DNAH14: variants seen among roughly 807,000 people sequenced by gnomAD.
DNAH14 encodes dynein axonemal heavy chain 14.
In DNAH14, 478 loss-of-function variants were observed where a neutral mutation model predicts 520.9. The observed-to-expected ratio is 0.92, with a 90% CI of 0.85 to 0.99. The LOEUF (loss-of-function observed/expected upper bound fraction) is 0.99. Among genes scored for constraint, DNAH14 ranks in the 50% least tolerant of loss-of-function variants. The pLI is 0.00. For missense variants in DNAH14, 4,831 were observed against 5,234.5 expected (o/e 0.92, Z 2.38); for synonymous variants, 1,581 against 1,757.2 (o/e 0.90, Z 2.51).
At chr1:225,025,094 T>C (rs1193923867) in intron 11 of DNAH14, among the ~76,000 whole-genome samples, 1 of 152,066 alleles carries the variant, frequency 6.6e-6, no homozygotes, top group African/African-American at 2.4e-5. Context: ...TCACAACACT[T>C]TGGGAGACCA....
At chr1:225,359,046 A>G (rs1322069094) in intron 74 of DNAH14, among the ~76,000 whole-genome samples, 1 of 152,236 alleles carries the variant, frequency 6.6e-6, no homozygotes, top group Non-Finnish European at 1.5e-5. Context: ...TAGCAGTGTG[A>G]GAACAGACTA....
At position 225,085,619 on chromosome 1, in the gene DNAH14, T is replaced by G; in HGVS notation, c.3403T>G (p.Phe1135Val). The G allele has an allele frequency of 6.4e-7, 1 of 1,551,206 alleles. No homozygotes were observed. The highest frequency in any genetic ancestry group is 1.2e-5 in the South Asian group (1 of 84,040). Reference protein sequence around the residue: ...TNEAALEKMLFKIIDFWNTTP... With the variant: ...TNEAALEKMLVKIIDFWNTTP... ...TGAAGCTGCTCTTGAAAAAATGCTA[T>G]TTAAGATTATTGATTTTTGGAACAC... is the stretch of plus-strand genomic sequence containing the variant. The change falls in exon 21 of 86, where the codon TTT (phenylalanine) becomes GTT (valine). Residue 1135 changes from phenylalanine to valine, a missense_variant. Phe to Val is a conservative substitution (Grantham distance 50, BLOSUM62 -1). Coordinates refer to ENST00000682510, the MANE Select transcript of DNAH14 (RefSeq NM_001367479.1).
Position 224,985,517 on chromosome 1 carries a change from A to G in DNAH14, c.830+11364A>G, listed in dbSNP as rs114585521. Among the ~76,000 whole-genome samples the G allele has an allele frequency of 2.5e-3, 385 of 152,270 alleles. 2 individuals are homozygous for G. Among genetic ancestry groups the G allele is most frequent in the Non-Finnish European group, 3.6e-3 (247 of 68,022 alleles). On this transcript the variant is annotated intron_variant, in intron 8 of 85. Coordinates refer to ENST00000682510, the MANE Select transcript of DNAH14 (RefSeq NM_001367479.1). ...AAAGACAACAAATATGGTGCAGTGT[A>G]TACTGCTCAGGCAATGGGTGCACCA...
At chr1:225,374,154 T>G (rs1272522538) in intron 77 of DNAH14, among the ~76,000 whole-genome samples, 3 of 64,616 alleles carry the variant, frequency 4.6e-5, no homozygotes, top group Non-Finnish European at 9.8e-5. Flanking sequence ...ACTATATATA[T>G]ATATATATAT....
chr1:225,302,120 T>C (rs2094150326), intron 56 of DNAH14, among the ~76,000 whole-genome samples: 1 of 148,312 alleles, frequency 6.7e-6, no homozygotes, highest in Non-Finnish European at 1.5e-5. Context: ...ATATATAATA[T>C]ATATTATATA....
chr1:225,303,202 G>A lies in DNAH14; in HGVS notation c.8678G>A (p.Gly2893Glu). ...LHIFVIMSPEGPSFRQNCRVY... is the reference protein window; with the variant it reads ...LHIFVIMSPEEPSFRQNCRVY... ...ATTTTTGTGATCATGAGTCCTGAAGGACCTAGCTTCCGCCAAAATTGTAGA... is the reference window on the plus strand; with the variant it reads ...ATTTTTGTGATCATGAGTCCTGAAGAACCTAGCTTCCGCCAAAATTGTAGA... Residue 2893 changes from glycine to glutamate, a missense_variant, in exon 57 of 86, where the codon GGA becomes GAA. Gly to Glu is a moderately conservative substitution (Grantham distance 98). Transcript: ENST00000682510. 1 of 1,537,180 alleles carries A rather than the reference G, an allele frequency of 6.5e-7. No homozygotes were observed. The highest frequency in any genetic ancestry group is 8.8e-7 in the Non-Finnish European group (1 of 1,141,432).
chr1:225,354,842 A>G (rs902852647), intron 73 of DNAH14, among the ~76,000 whole-genome samples: 1 of 152,172 alleles, frequency 6.6e-6, no homozygotes, highest in African/African-American at 2.4e-5. Context: ...AACCTGGACA[A>G]CCAGTAATCC....
At chr1:225,103,749 A>G (rs1314671780) in intron 23 of DNAH14, among the ~76,000 whole-genome samples, 2 of 152,204 alleles carry the variant, frequency 1.3e-5, no homozygotes, top group East Asian at 3.8e-4. Context: ...TTGTATCCTG[A>G]GACTTTAATG....
chr1:225,002,994 T>C, intron 9 of DNAH14, 67 bp downstream of exon 9: 1 of 1,291,874 alleles, frequency 7.7e-7, no homozygotes, highest in African/African-American at 1.5e-5. Context: ...AATAGCATTT[T>C]GAATTAAAAA....
At chr1:225,063,096 C>G (rs954638992) in intron 17 of DNAH14, among the ~76,000 whole-genome samples, 6 of 150,142 alleles carry the variant, frequency 4.0e-5, no homozygotes, top group Admixed American at 3.4e-4. Context: ...TAAATGAAAA[C>G]ATGAACATAA....
chr1:225,221,758 C>T lies in DNAH14; in HGVS notation c.6440-9315C>T, dbSNP rs542593562. ...TTGCAAAGCTTCAGGGAAGAATGAA[C>T]TGAAGGCAGCTGTTCTTACCCAGGG... is the stretch of plus-strand genomic sequence containing the variant. On this transcript the variant is annotated intron_variant, in intron 41 of 85. Transcript: ENST00000682510. Among the ~76,000 whole-genome samples, 5 of 152,266 alleles carry T rather than the reference C, an allele frequency of 3.3e-5. No homozygotes were observed. The South Asian group carries it at 8.3e-4, about 25-fold the overall frequency.
chr1:225,342,775 A>C (rs945180332), intron 69 of DNAH14, among the ~76,000 whole-genome samples: 1 of 151,914 alleles, frequency 6.6e-6, no homozygotes, highest in Non-Finnish European at 1.5e-5. Flanking sequence ...GTATAGAGAG[A>C]GATACTTTGG....
chr1:225,280,580 C>A (rs2093605242), intron 54 of DNAH14, among the ~76,000 whole-genome samples: 3 of 148,778 alleles, frequency 2.0e-5, no homozygotes, highest in African/African-American at 7.5e-5. Context: ...GCCTGGGTGA[C>A]AAAGTGAGAG....
chr1:225,017,702 C>G (rs2065326395), intron 10 of DNAH14, among the ~76,000 whole-genome samples: 1 of 152,246 alleles, frequency 6.6e-6, no homozygotes, highest in Non-Finnish European at 1.5e-5. Context: ...GCACCTTGGC[C>G]TCTCCAGCCC....
chr1:225,085,466 G>T, intron 20 of DNAH14, 78 bp from the exon 21 acceptor site: 1 of 1,290,732 alleles, frequency 7.7e-7, no homozygotes, highest in Non-Finnish European at 1.1e-6. Context: ...TTCAAAACTT[G>T]CATTTAAAAT....
At chr1:225,148,396 CTTTTTT>C (rs560233312) in intron 31 of DNAH14, among the ~76,000 whole-genome samples, 18 of 96,618 alleles carry the variant, frequency 1.9e-4, no homozygotes, top group African/African-American at 8.4e-4. Context: ...TAATGTTGAG[CTTTTTT>C]TTTTTTTTTT....
At chr1:224,957,252 G>T (rs1311359471) in intron 3 of DNAH14, among the ~76,000 whole-genome samples, 1 of 151,988 alleles carries the variant, frequency 6.6e-6, no homozygotes, top group African/African-American at 2.4e-5. Context: ...ATGAATAGTG[G>T]TCCCATTCAC....
chr1:224,966,536 C>T (rs1380130519), intron 5 of DNAH14, among the ~76,000 whole-genome samples: 1 of 151,908 alleles, frequency 6.6e-6, no homozygotes, highest in Non-Finnish European at 1.5e-5. Flanking sequence ...TGTGGAATGG[C>T]TGATTTTTCA....
chr1:224,975,615 CT>C (rs1198291928), intron 8 of DNAH14, among the ~76,000 whole-genome samples: 2 of 151,426 alleles, frequency 1.3e-5, no homozygotes, highest in South Asian at 2.1e-4. Flanking sequence ...ATTCTTCTCT[CT>C]TTTCTTCTTT....
Sources: allele counts gnomAD v4.1 joint callset (sites outside exome capture counted in the v4.1 genomes callset), GRCh38; gene constraint gnomAD v4.1.1; transcripts MANE v1.5; gene names NCBI Gene and HGNC (gene_info 2026-07-23, HGNC 2026-07-21).